MOV10: variants seen among roughly 807,000 people sequenced by gnomAD.
MOV10 encodes the protein RNA helicase MOV-10.
A neutral mutation model predicts 108.4 loss-of-function variants in MOV10; 39 were observed. The observed-to-expected ratio is 0.36, with a 90% CI of 0.28 to 0.47. The LOEUF (loss-of-function observed/expected upper bound fraction) is 0.47, where lower values mean the gene tolerates loss of function less well. MOV10 is among the 20% of genes least tolerant of loss of function. The pLI is 1.00. For missense variants in MOV10, 952 were observed against 1,297.6 expected, an observed-to-expected ratio of 0.73 and a Z score of 4.09; for synonymous variants, 490 against 523.1, an observed-to-expected ratio of 0.94 and a Z score of 0.86.
At position 112,694,367 on chromosome 1, in the gene MOV10, G is replaced by A. The variant is rs1247723619; in HGVS notation, c.1296-86G>A. 4 of 1,548,830 alleles carry A rather than the reference G, an allele frequency of 2.6e-6. No homozygotes were observed. The highest frequency in any genetic ancestry group is 2.3e-5 in the South Asian group (2 of 87,180). On this transcript the variant is annotated intron_variant, in intron 8 of 20. Transcript: ENST00000369645. The surrounding 1 kb of genome is among the most constrained non-coding windows in gnomAD (Gnocchi z 4.1). ...TAGAGGTCTTGGAAAGAGGGGTTGG[G>A]ACACTGGTTGGTGGAGAAAGTTCTG...
In MOV10 at chr1:112,700,237, AGAAAACGGAGG is replaced by A; in HGVS notation, c.2819_2829del (p.Glu940ValfsTer36). The A allele has an allele frequency of 6.2e-7, 1 of 1,614,070 alleles. No individual in the cohort carries two copies. Among genetic ancestry groups the A allele is most frequent in the Admixed American group, 1.7e-5 (1 of 60,016 alleles). On this transcript the variant is annotated frameshift_variant, in exon 20 of 21. Coordinates refer to ENST00000369645, the MANE Select transcript of MOV10 (RefSeq NM_001321324.2). LOFTEE classifies it high-confidence loss of function. The stretch of plus-strand genomic sequence containing the variant: ...CCCACAGATTCCTGGAGTTCTGTAA[AGAAAACGGAGG>A]GTATACCGGGTGTCCCTTCCCTGCC...
chr1:112,698,760 C>G lies in MOV10; in HGVS notation c.2554C>G (p.Arg852Gly). 1 of 1,614,216 alleles carries G rather than the reference C, an allele frequency of 6.2e-7. No individual in the cohort carries two copies. Residue 852 changes from arginine (R) to glycine (G), a missense_variant, in exon 17 of 21, where the codon CGA (arginine) becomes GGA (glycine). Physicochemically the swap from Arg to Gly is moderately radical, Grantham distance 125. This residue lies in a region of MOV10 where 453 missense variants were observed against 611.5 expected (regional missense o/e 0.74). Coordinates refer to ENST00000369645, the MANE Select transcript of MOV10 (RefSeq NM_001321324.2). ...CATCACCAAACTTGACAGGGAGCTT[C>G]GAGGACTGGATGACATCAAGGACTT... ...YCITKLDREL[R>G]GLDDIKDLKV...
At chr1:112,691,541 G>A (rs886083896) in intron 5 of MOV10, 124 bp from the exon 6 acceptor site, 22 of 1,213,410 alleles carry the variant, frequency 1.8e-5, no homozygotes, top group Admixed American at 2.2e-5. Context: ...CCCTTGGAGC[G>A]AGGCTGCTGA....
At position 112,693,981 on chromosome 1, in the gene MOV10, C is replaced by T. The variant is rs757724465; in HGVS notation, c.1141-37C>T. ...GGGGCTGGGCCCTCCAGCGTCCATCCCTGGGACAGAAGCTTGCTTGTGTTC... is the reference window on the plus strand; with the variant it reads ...GGGGCTGGGCCCTCCAGCGTCCATCTCTGGGACAGAAGCTTGCTTGTGTTC... On this transcript the variant is annotated intron_variant, in intron 7 of 20. Transcript: ENST00000369645. 5 of 1,610,924 alleles carry T rather than the reference C, an allele frequency of 3.1e-6. No individual in the cohort carries two copies. In the African/African-American group the frequency reaches 4.0e-5, roughly 13 times the overall value.
At chr1:112,696,942 G>C in intron 14 of MOV10, 96 bp downstream of exon 14, 1 of 1,043,614 alleles carries the variant, frequency 9.6e-7, no homozygotes, top group Non-Finnish European at 1.4e-6. Context: ...CAGTCCTGTT[G>C]CTCAGAGGTT....
In MOV10 at chr1:112,700,727, G is replaced by T; in HGVS notation, c.*220G>T. 1.3e-6 allele frequency: 2 copies of T among 1,510,406 alleles called. No individual in the cohort carries two copies. Among genetic ancestry groups the T allele is most frequent in the Non-Finnish European group, 1.8e-6 (2 of 1,135,816 alleles). 93.6% of individuals were successfully genotyped at this position (1,510,406 alleles called of 1,614,324 possible). Reference sequence around the variant, plus strand: ...AAGAAAACTCTGAAAACAAAATCTTGTTCTATGCAAAAGCCTTGATAATGT... The same window carrying T: ...AAGAAAACTCTGAAAACAAAATCTTTTTCTATGCAAAAGCCTTGATAATGT... On this transcript the variant is annotated 3_prime_UTR_variant, in exon 21 of 21. Coordinates refer to ENST00000369645, the MANE Select transcript of MOV10 (RefSeq NM_001321324.2).
chr1:112,681,684 A>T (rs914757361), intron 2 of MOV10, among the ~76,000 whole-genome samples: 3 of 151,970 alleles, frequency 2.0e-5, no homozygotes, highest in Non-Finnish European at 4.4e-5. Flanking sequence ...CCTTACCTAG[A>T]TTTCTTTTAA....
At chr1:112,674,562 G>A (rs867540538), upstream of MOV10, 4 of 176,910 alleles carry the variant, frequency 2.3e-5, no homozygotes, top group Non-Finnish European at 4.8e-5. Flanking sequence ...GTCCTCCCGG[G>A]CTGTTCAGAG....
At chr1:112,687,387 A>G (rs780425116) in intron 2 of MOV10, among the ~76,000 whole-genome samples, 1 of 152,202 alleles carries the variant, frequency 6.6e-6, no homozygotes, top group Non-Finnish European at 1.5e-5. Flanking sequence ...GTGAGTGACC[A>G]TGATGATTTA....
chr1:112,691,265 A>G (rs1673559382), intron 5 of MOV10, among the ~76,000 whole-genome samples: 1 of 152,216 alleles, frequency 6.6e-6, no homozygotes. Flanking sequence ...AGCCTGGGCA[A>G]CAGAGTGGGA....
In MOV10 at chr1:112,694,254, A is replaced by G; in HGVS notation, c.1295+82A>G. ...GGGAGGAGGAGTGTTTCTCCCTGAGATAAATGAGACCCCGGGGCAGAGCAG... is the reference window on the plus strand; with the variant it reads ...GGGAGGAGGAGTGTTTCTCCCTGAGGTAAATGAGACCCCGGGGCAGAGCAG... On this transcript the variant is annotated intron_variant, in intron 8 of 20. Transcript: ENST00000369645. This position sits in a 1 kb window ranked among gnomAD's most constrained non-coding sequence, Gnocchi z 4.1. The G allele has an allele frequency of 6.4e-7, 1 of 1,551,406 alleles. No homozygotes were observed.
chr1:112,695,273 G>C (rs1673967247), intron 10 of MOV10, 143 bp from the exon 11 acceptor site: 2 of 785,214 alleles, frequency 2.5e-6, no homozygotes, highest in Admixed American at 5.7e-5. Flanking sequence ...TGTGGCTGTG[G>C]AGCACTGTTG....
In MOV10 at chr1:112,694,227, A is replaced by C; in HGVS notation, c.1295+55A>C. 1.2e-6 allele frequency: 2 copies of C among 1,601,252 alleles called. No individual in the cohort carries two copies. The highest frequency in any genetic ancestry group is 2.2e-5 in the East Asian group (1 of 44,780). ...GAAGGGTCTACAGACTTCTGACCCC[A>C]GGGGAGGAGGAGTGTTTCTCCCTGA... On this transcript the variant is annotated intron_variant, in intron 8 of 20. Coordinates refer to ENST00000369645, the MANE Select transcript of MOV10 (RefSeq NM_001321324.2). The surrounding 1 kb of genome is among the most constrained non-coding windows in gnomAD (Gnocchi z 4.1).
At position 112,689,887 on chromosome 1, in the gene MOV10, T is replaced by C; in HGVS notation, c.625T>C (p.Tyr209His). The change falls in exon 5 of 21, where the codon TAC (tyrosine) becomes CAC (histidine). Residue 209 changes from tyrosine (Y) to histidine (H), a missense_variant. Tyr to His is a moderately conservative substitution (Grantham distance 83). Around this residue, in one of 5 missense-constraint regions of MOV10, gnomAD observed 374 missense variants for 468.6 expected, o/e 0.80. Coordinates refer to ENST00000369645, the MANE Select transcript of MOV10 (RefSeq NM_001321324.2). ...CCATTGTAAGACCAGCTTTGTGGGC[T>C]ACTTCCCAGCCACAGTGCTCTGGGA... ...HVHCKTSFVG[Y>H]FPATVLWELL... 6.2e-7 allele frequency: 1 copy of C among 1,614,206 alleles called. No homozygotes were observed. Among genetic ancestry groups the C allele is most frequent in the Non-Finnish European group, 8.5e-7 (1 of 1,180,036 alleles).
chr1:112,679,111 C>A lies in MOV10; in HGVS notation c.137+4062C>A, dbSNP rs575384430. On this transcript the variant is annotated intron_variant, in intron 2 of 20. Transcript: ENST00000369645. ...CTTTAAGATCACTTCCAAATCTGATCATATGTGCTGAAATACCATTCCTCT... is the reference window on the plus strand; with the variant it reads ...CTTTAAGATCACTTCCAAATCTGATAATATGTGCTGAAATACCATTCCTCT... 2.0e-5 allele frequency among the ~76,000 whole-genome samples: 3 copies of A among 152,186 alleles called. No individual in the cohort carries two copies. The South Asian group carries it at 6.2e-4, about 32-fold the overall frequency.
At chr1:112,697,911 G>A in intron 14 of MOV10, 83 bp from the exon 15 acceptor site, 3 of 1,127,342 alleles carry the variant, frequency 2.7e-6, no homozygotes, top group Non-Finnish European at 4.0e-6. Flanking sequence ...ATTGTGTGTG[G>A]GCCCAGAGTG....
intron 2 of MOV10, among the ~76,000 whole-genome samples, chr1:112,676,502 G>A (rs185205745): frequency 5.5e-4 from 84 of 152,296 alleles, no homozygotes; most frequent in Non-Finnish European, 1.0e-3. Context: ...TGGTAATAGG[G>A]TATTGCAATA....
At chr1:112,700,138 A>G (rs1674514032) in intron 19 of MOV10, 81 bp from the exon 20 acceptor site, 1 of 1,599,896 alleles carries the variant, frequency 6.3e-7, no homozygotes, top group East Asian at 2.2e-5. Context: ...TGACATCCAG[A>G]GGTTGAGCAA....
In MOV10 at chr1:112,695,449, G is replaced by A; in HGVS notation, c.1654G>A (p.Ala552Thr). Residue 552 changes from alanine (A) to threonine (T), a missense_variant, in exon 11 of 21, where the codon GCC becomes ACC. Ala to Thr is a moderately conservative substitution (Grantham distance 58). Coordinates refer to ENST00000369645, the MANE Select transcript of MOV10 (RefSeq NM_001321324.2). ...GCACTTGCCCAAAGCCCACATCTTG[G>A]CCTGCGCTCCATCCAACTCAGGGGC... is the stretch of plus-strand genomic sequence containing the variant. ...VKHLPKAHILACAPSNSGADL... is the reference protein window; with the variant it reads ...VKHLPKAHILTCAPSNSGADL... 6.2e-7 allele frequency: 1 copy of A among 1,614,160 alleles called. No homozygotes were observed. The highest frequency in any genetic ancestry group is 8.5e-7 in the Non-Finnish European group (1 of 1,180,030).
Sources: allele counts gnomAD v4.1 joint callset (sites outside exome capture counted in the v4.1 genomes callset), GRCh38; gene constraint gnomAD v4.1.1; regional missense constraint gnomAD v4.1.1; non-coding constraint Gnocchi (gnomAD v3.1); transcripts MANE v1.5; gene names NCBI Gene and HGNC (gene_info 2026-07-23, HGNC 2026-07-21).